L3MBTL3: variants seen among roughly 807,000 people sequenced by gnomAD.
L3MBTL3 encodes lethal(3)malignant brain tumor-like protein 3.
A neutral mutation model predicts 102.3 loss-of-function variants in L3MBTL3; 27 were observed. That is an observed-to-expected ratio of 0.26 (90% CI 0.19 to 0.36). L3MBTL3 has a LOEUF of 0.36. Among genes scored for constraint, L3MBTL3 ranks in the 10% least tolerant of loss-of-function variants. L3MBTL3 has a pLI of 1.00. For missense variants in L3MBTL3, 798 were observed against 955.3 expected, an observed-to-expected ratio of 0.84 and a Z score of 2.17; for synonymous variants, 340 against 320.9, an observed-to-expected ratio of 1.06 and a Z score of -0.64.
intron 22 of L3MBTL3, among the ~76,000 whole-genome samples, chr6:130,139,242 T>C (rs1788054860): frequency 6.6e-6 from 1 of 152,256 alleles, no homozygotes. Context: ...AACATTCATG[T>C]ACCTGTTATC....
At chr6:130,087,243 G>A (rs1047919747) in intron 16 of L3MBTL3, among the ~76,000 whole-genome samples, 1 of 152,042 alleles carries the variant, frequency 6.6e-6, no homozygotes, top group Admixed American at 6.6e-5. Context: ...TTAACATTTA[G>A]TTCACTGTTA....
At chr6:130,110,681 T>C (rs1243906361) in intron 19 of L3MBTL3, among the ~76,000 whole-genome samples, 2 of 152,220 alleles carry the variant, frequency 1.3e-5, no homozygotes, top group Non-Finnish European at 2.9e-5. Context: ...AAATATGCTT[T>C]ATTTCTTTCT....
chr6:130,074,524 G>C (rs1782834486), intron 13 of L3MBTL3, among the ~76,000 whole-genome samples: 1 of 152,180 alleles, frequency 6.6e-6, no homozygotes, highest in Non-Finnish European at 1.5e-5. Flanking sequence ...ACCACGGGGA[G>C]GGTACCTCCA....
intron 20 of L3MBTL3, among the ~76,000 whole-genome samples, chr6:130,127,939 A>G (rs1232448641): frequency 6.6e-6 from 1 of 152,194 alleles, no homozygotes; most frequent in Non-Finnish European, 1.5e-5. Context: ...AATTATGTGT[A>G]ATTTTATACC....
chr6:130,115,541 A>G (rs1427572116), intron 19 of L3MBTL3, among the ~76,000 whole-genome samples: 1 of 152,246 alleles, frequency 6.6e-6, no homozygotes, highest in African/African-American at 2.4e-5. Context: ...GAAGAAATAC[A>G]GCTGCACATA....
At chr6:130,105,412 C>T (rs999545926) in intron 19 of L3MBTL3, among the ~76,000 whole-genome samples, 3 of 152,056 alleles carry the variant, frequency 2.0e-5, no homozygotes, top group African/African-American at 7.2e-5. Context: ...ACACCTACAA[C>T]TTCTTCTGGT....
chr6:130,128,256 G>A (rs1476888584), intron 20 of L3MBTL3, among the ~76,000 whole-genome samples: 1 of 152,084 alleles, frequency 6.6e-6, no homozygotes, highest in Non-Finnish European at 1.5e-5. Flanking sequence ...GGTAAAAGAG[G>A]CTTATTTCTC....
chr6:130,139,007 G>T (rs1562351054), intron 22 of L3MBTL3, among the ~76,000 whole-genome samples: 1 of 152,070 alleles, frequency 6.6e-6, no homozygotes. Flanking sequence ...CGTATTAGAA[G>T]AACCACCTTA....
chr6:130,071,180 A>G (rs1782617777), intron 13 of L3MBTL3, 53 bp downstream of exon 13: 1 of 1,523,588 alleles, frequency 6.6e-7, no homozygotes, highest in Non-Finnish European at 9.0e-7. Flanking sequence ...ATCCAAGTAA[A>G]TGGTTTGAAA....
In L3MBTL3 at chr6:130,133,717, T is replaced by C; in HGVS notation, c.2136+96T>C. 6.6e-7 allele frequency: 1 copy of C among 1,513,208 alleles called. No individual in the cohort carries two copies. Among genetic ancestry groups the C allele is most frequent in the South Asian group, 1.2e-5 (1 of 84,466 alleles). 93.7% of individuals were successfully genotyped at this position (1,513,208 alleles called of 1,614,324 possible). ...GCGTAGGTAGCGTTTAGTCTTTTTT[T>C]TTCTGAAAGAGAAGAAATTATTGTG... On this transcript the variant is annotated intron_variant, in intron 21 of 22. Transcript: ENST00000361794. This position sits in a 1 kb window ranked among gnomAD's most constrained non-coding sequence, Gnocchi z 4.9.
At chr6:130,062,555 ATTT>A (rs1175015608) in intron 10 of L3MBTL3, among the ~76,000 whole-genome samples, 1 of 124,208 alleles carries the variant, frequency 8.1e-6, no homozygotes, top group South Asian at 2.7e-4. Flanking sequence ...GCCCAGCTAA[ATTT>A]TTTTTTTTTT....
At chr6:130,048,156 T>C (rs1199278557) in intron 3 of L3MBTL3, among the ~76,000 whole-genome samples, 1 of 152,232 alleles carries the variant, frequency 6.6e-6, no homozygotes, top group Non-Finnish European at 1.5e-5. Flanking sequence ...TGTAGTTTAG[T>C]AAAATAAATA....
intron 1 of L3MBTL3, among the ~76,000 whole-genome samples, chr6:130,020,958 A>T (rs1015574619): frequency 8.7e-5 from 13 of 150,156 alleles, no homozygotes; most frequent in Non-Finnish European, 1.6e-4. Flanking sequence ...AGGTTAGGGG[A>T]AACTGAGATG....
chr6:130,080,528 A>C (rs1783268433), intron 14 of L3MBTL3, among the ~76,000 whole-genome samples: 1 of 152,120 alleles, frequency 6.6e-6, no homozygotes, highest in African/African-American at 2.4e-5. Flanking sequence ...TTAACAATGA[A>C]CCAGTGAACA....
chr6:130,117,409 T>A (rs982636990), intron 19 of L3MBTL3, among the ~76,000 whole-genome samples: 4 of 152,048 alleles, frequency 2.6e-5, no homozygotes, highest in Non-Finnish European at 4.4e-5. Context: ...TCTTTGCTAT[T>A]GTGAATAATG....
chr6:130,048,696 TGAAA>T (rs1399736758), intron 3 of L3MBTL3, among the ~76,000 whole-genome samples: 2 of 152,040 alleles, frequency 1.3e-5, no homozygotes, highest in East Asian at 1.9e-4. Flanking sequence ...TAAAGAGCAG[TGAAA>T]GAAAGAGGAA....
chr6:130,038,530 AT>A (rs950821036), intron 2 of L3MBTL3, among the ~76,000 whole-genome samples: 1 of 151,816 alleles, frequency 6.6e-6, no homozygotes, highest in Non-Finnish European at 1.5e-5. Context: ...GATTCTGAGC[AT>A]TTTTTTAATG....
intron 13 of L3MBTL3, among the ~76,000 whole-genome samples, chr6:130,076,682 T>C (rs2115050990): frequency 6.6e-6 from 1 of 152,310 alleles, no homozygotes; most frequent in Admixed American, 6.5e-5. Flanking sequence ...TTGTTCTTCA[T>C]ATTTCTTTTC....
At position 130,139,610 on chromosome 6, in the gene L3MBTL3, C is replaced by A; in HGVS notation, c.2200C>A (p.Gln734Lys). Residue 734 changes from glutamine (Q) to lysine (K), a missense_variant and splice_region_variant, in exon 23 of 23, where the codon CAA (glutamine) becomes AAA (lysine). Gln to Lys is a moderately conservative substitution (Grantham distance 53, BLOSUM62 1). Transcript: ENST00000361794. ...CTGTTGTTTTTTTCCCCCATTTTAGCAAATTGATGGAGAAGCATTTCTACT... is the reference window on the plus strand; with the variant it reads ...CTGTTGTTTTTTTCCCCCATTTTAGAAAATTGATGGAGAAGCATTTCTACT... ...EEHGKVFKDE[Q>K]IDGEAFLLMT... 6.2e-7 allele frequency: 1 copy of A among 1,611,900 alleles called. No individual in the cohort carries two copies. Among genetic ancestry groups the A allele is most frequent in the Non-Finnish European group, 8.5e-7 (1 of 1,178,528 alleles).
Sources: allele counts gnomAD v4.1 joint callset (sites outside exome capture counted in the v4.1 genomes callset), GRCh38; gene constraint gnomAD v4.1.1; non-coding constraint Gnocchi (gnomAD v3.1); transcripts MANE v1.5; gene names NCBI Gene and HGNC (gene_info 2026-07-23, HGNC 2026-07-21).